Variants in RNF6 observed in about 807,000 individuals in gnomAD.
The protein encoded by RNF6 is E3 ubiquitin-protein ligase RNF6.
In RNF6, 21 loss-of-function variants were observed where a neutral mutation model predicts 50.1. The observed-to-expected ratio is 0.42, with a 90% CI of 0.30 to 0.60. The LOEUF is 0.60. RNF6 is among the 20% of genes least tolerant of loss of function. The probability of loss-of-function intolerance (pLI) is 0.20; values close to 1 mark genes in which losing one functional copy is unlikely to be tolerated. For synonymous variants in RNF6, 255 were observed against 291.8 expected (o/e 0.87, Z 1.29); for missense variants, 698 against 838.2 (o/e 0.83, Z 2.07).
intron 5 of RNF6, among the ~76,000 whole-genome samples, chr13:26,162,392 C>A (rs547671175): frequency 4.9e-4 from 74 of 152,330 alleles, no homozygotes; most frequent in African/African-American, 1.8e-3. Flanking sequence ...TCTTCTGCCT[C>A]CTGAGGAAAA....
intron 5 of RNF6, among the ~76,000 whole-genome samples, chr13:26,189,338 C>G (rs1873711864): frequency 7.2e-6 from 1 of 138,486 alleles, no homozygotes; most frequent in Non-Finnish European, 1.6e-5. Context: ...AAAAAAAACG[C>G]TTCCTATTGT....
chr13:26,143,548 G>A (rs1413382345), intron 5 of RNF6, among the ~76,000 whole-genome samples: 1 of 152,084 alleles, frequency 6.6e-6, no homozygotes, highest in Non-Finnish European at 1.5e-5. Flanking sequence ...GACTCACTAG[G>A]GGTAATAGCA....
At chr13:26,181,270 C>T (rs112917635) in intron 5 of RNF6, among the ~76,000 whole-genome samples, 6 of 152,150 alleles carry the variant, frequency 3.9e-5, no homozygotes, top group African/African-American at 1.2e-4. Context: ...TGCAGAGCAC[C>T]TCCAGGATGT....
At chr13:26,150,837 A>C (rs754494926) in intron 5 of RNF6, 1 of 152,198 alleles carries the variant, frequency 6.6e-6, no homozygotes, top group Non-Finnish European at 1.5e-5. Context: ...TCAATGCCTG[A>C]AATCGTAAGA....
chr13:26,135,451 C>T (rs1870600223), intron 5 of RNF6: 2 of 151,860 alleles, frequency 1.3e-5, no homozygotes, highest in South Asian at 4.1e-4. Context: ...TTTGTGAAAA[C>T]ACAGCTGGCA....
chr13:26,148,120 T>G (rs930857698), intron 5 of RNF6, among the ~76,000 whole-genome samples: 1 of 152,120 alleles, frequency 6.6e-6, no homozygotes, highest in African/African-American at 2.4e-5. Context: ...AAGCACCTTC[T>G]TCACAAGGGG....
chr13:26,192,033 G>C (rs1332013027), intron 5 of RNF6, among the ~76,000 whole-genome samples: 1 of 152,192 alleles, frequency 6.6e-6, no homozygotes. Flanking sequence ...TAGCCTAAAT[G>C]GCTGAAGTTA....
intron 5 of RNF6, chr13:26,150,828 C>T (rs1238270469): frequency 1.3e-5 from 2 of 152,134 alleles, no homozygotes; most frequent in African/African-American, 2.4e-5. Context: ...ATAACCTCTT[C>T]AATGCCTGAA....
chr13:26,183,149 A>T (rs61558413), intron 5 of RNF6, among the ~76,000 whole-genome samples: 45 of 152,338 alleles, frequency 3.0e-4, no homozygotes, highest in Non-Finnish European at 5.3e-4. Context: ...ATGCTGTTCT[A>T]TAGAAATCTG....
intron 5 of RNF6, among the ~76,000 whole-genome samples, chr13:26,191,553 T>G (rs1868459284): frequency 6.6e-6 from 1 of 152,172 alleles, no homozygotes; most frequent in Admixed American, 6.5e-5. Context: ...CATGCTGTTT[T>G]CATGATAGTG....
At chr13:26,153,155 G>GA (rs1164575168) in intron 5 of RNF6, among the ~76,000 whole-genome samples, 3,874 of 67,594 alleles carry the variant, frequency 0.057, 171 homozygotes, top group African/African-American at 0.15. Flanking sequence ...TCTGTCTCAA[G>GA]AAAAGAAAAA....
chr13:26,186,092 T>G (rs554505666), intron 5 of RNF6, among the ~76,000 whole-genome samples: 1 of 152,320 alleles, frequency 6.6e-6, no homozygotes, highest in Admixed American at 6.5e-5. Context: ...GTCAGACGAT[T>G]TACTCGGGAG....
Position 26,214,489 on chromosome 13 carries a change from G to A in RNF6, c.1393C>T (p.Arg465Cys). The A allele has an allele frequency of 1.9e-6, 3 of 1,614,106 alleles. No homozygotes were observed. Among genetic ancestry groups the A allele is most frequent in the Non-Finnish European group, 2.5e-6 (3 of 1,180,036 alleles). Residue 465 changes from arginine to cysteine, a missense_variant, in exon 5 of 5, where the codon CGT becomes TGT. Coordinates refer to ENST00000381588, the MANE Select transcript of RNF6 (RefSeq NM_005977.4). ...TYVSTITVPL[R>C]RISENELVEP... Reference sequence around the variant, plus strand: ...ACAAGCTCATTCTCAGAAATCCTACGAAGAGGAACTGTTATGGTACTAACA... The same window carrying A: ...ACAAGCTCATTCTCAGAAATCCTACAAAGAGGAACTGTTATGGTACTAACA...
chr13:26,153,386 G>A (rs1871736388), intron 5 of RNF6, among the ~76,000 whole-genome samples: 1 of 151,838 alleles, frequency 6.6e-6, no homozygotes, highest in Non-Finnish European at 1.5e-5. Context: ...GCTAATTTTT[G>A]TATTTTTAGT....
In RNF6 at chr13:26,213,212, A is replaced by G. The variant is rs1869440662; in HGVS notation, c.*612T>C. On this transcript the variant is annotated 3_prime_UTR_variant, in exon 5 of 5. Coordinates refer to ENST00000381588, the MANE Select transcript of RNF6 (RefSeq NM_005977.4). ...TGAGATGAACTTGCCAATATTAAAC[A>G]TTGTGCCATATGCAGTATTAGCCCA... 6.6e-6 allele frequency: 1 copy of G among 152,640 alleles called. No homozygotes were observed. Among genetic ancestry groups the G allele is most frequent in the Non-Finnish European group, 1.5e-5 (1 of 68,028 alleles). 9.5% of individuals were successfully genotyped at this position (152,640 alleles called of 1,614,324 possible).
chr13:26,150,879 T>G (rs1355236188), intron 5 of RNF6: 1 of 152,228 alleles, frequency 6.6e-6, no homozygotes, highest in Non-Finnish European at 1.5e-5. Context: ...GTTATATATT[T>G]TCCTGTTGGG....
chr13:26,169,159 G>A (rs1872573618), intron 5 of RNF6, among the ~76,000 whole-genome samples: 1 of 152,098 alleles, frequency 6.6e-6, no homozygotes. Context: ...GGTGATGGGG[G>A]CTGGTTGCAT....
chr13:26,149,648 G>GC (rs1871449249), intron 5 of RNF6, among the ~76,000 whole-genome samples: 1 of 151,402 alleles, frequency 6.6e-6, no homozygotes, highest in Admixed American at 6.6e-5. Flanking sequence ...GTCCTCTTTG[G>GC]CTATAATTGA....
Position 26,214,888 on chromosome 13 carries a change from G to C in RNF6, c.994C>G (p.Pro332Ala), listed in dbSNP as rs1869689450. The C allele has an allele frequency of 1.2e-6, 2 of 1,614,192 alleles. No individual in the cohort carries two copies. The highest frequency in any genetic ancestry group is 1.7e-6 in the Non-Finnish European group (2 of 1,180,036). The change falls in exon 5 of 5, where the codon CCA becomes GCA. Residue 332 changes from proline to alanine, a missense_variant. Transcript: ENST00000381588. ...GATCTTCTAGTGGTTTGCTGTACTG[G>C]TCTACTTTCCCTTTGGGAATTATGA... ...VYHNSQRESR[P>A]VQQTTRRSVR... is the part of the protein sequence containing the mutation.
Sources: gnomAD v4.1 joint callset for allele counts (sites outside exome capture counted in the v4.1 genomes callset) on GRCh38, gnomAD v4.1.1 for gene constraint, MANE v1.5 for transcripts, NCBI Gene and HGNC (gene_info 2026-07-23, HGNC 2026-07-21) for gene names.